The following RALYL variants were observed in gnomAD, a reference collection of about 807,000 sequenced individuals.
RALYL encodes RNA-binding Raly-like protein.
RALYL carries 29 observed loss-of-function variants against 35.1 expected under a neutral mutation model. The observed-to-expected ratio is 0.83, with a 90% confidence interval of 0.61 to 1.13. RALYL has a LOEUF of 1.13. Among genes scored for constraint, RALYL ranks in the 50% most tolerant of loss-of-function variants. The probability of loss-of-function intolerance (pLI) is 0.00; values close to 1 mark genes in which losing one functional copy is unlikely to be tolerated. For synonymous variants in RALYL, 120 were observed against 127.6 expected (o/e 0.94, Z 0.40); for missense variants, 359 against 360.4 (o/e 1.00, Z 0.03).
At chr8:84,877,517 C>T (rs1481556374) in intron 7 of RALYL, among the ~76,000 whole-genome samples, 2 of 151,884 alleles carry the variant, frequency 1.3e-5, no homozygotes, top group Non-Finnish European at 2.9e-5. Context: ...TATATATACA[C>T]ATATACGCAC....
At chr8:84,262,229 G>A (rs181216411) in intron 1 of RALYL, among the ~76,000 whole-genome samples, 4 of 152,178 alleles carry the variant, frequency 2.6e-5, no homozygotes, top group African/African-American at 9.6e-5. Flanking sequence ...TGGCAACTGT[G>A]TTATTTCACG....
chr8:84,319,578 C>T (rs1161739018), intron 1 of RALYL, among the ~76,000 whole-genome samples: 3 of 152,006 alleles, frequency 2.0e-5, no homozygotes, highest in Non-Finnish European at 4.4e-5. Context: ...CCAGATGATA[C>T]GCTCAAAGAA....
At chr8:84,258,195 C>A (rs1488375897) in intron 1 of RALYL, among the ~76,000 whole-genome samples, 1 of 152,042 alleles carries the variant, frequency 6.6e-6, no homozygotes, top group Non-Finnish European at 1.5e-5. Context: ...GGTCCTCTTC[C>A]TTTATCTGTT....
chr8:84,346,106 T>A, intron 1 of RALYL: 1 of 981,888 alleles, frequency 1.0e-6, no homozygotes, highest in Non-Finnish European at 1.2e-6. Context: ...CTCTATTTTC[T>A]CTTCCTTTGC....
chr8:84,666,220 A>G (rs1564337872), intron 2 of RALYL, among the ~76,000 whole-genome samples: 1 of 152,076 alleles, frequency 6.6e-6, no homozygotes, highest in Admixed American at 6.6e-5. Flanking sequence ...CTGAAATACT[A>G]GCCTATTTTG....
intron 1 of RALYL, among the ~76,000 whole-genome samples, chr8:84,508,927 T>A (rs1222790453): frequency 6.6e-6 from 1 of 152,118 alleles, no homozygotes; most frequent in Non-Finnish European, 1.5e-5. Flanking sequence ...TAGAAAGGAA[T>A]GAATAATCAT....
chr8:84,611,208 T>A (rs1007970853), intron 2 of RALYL, among the ~76,000 whole-genome samples: 49 of 152,154 alleles, frequency 3.2e-4, no homozygotes, highest in African/African-American at 1.2e-3. Context: ...TTTATTCACA[T>A]AACTTTTTCC....
intron 2 of RALYL, among the ~76,000 whole-genome samples, chr8:84,550,306 A>G (rs1021763407): frequency 1.3e-5 from 2 of 152,094 alleles, no homozygotes; most frequent in East Asian, 1.9e-4. Flanking sequence ...CTAGATTGGC[A>G]GTTATTTTCT....
intron 1 of RALYL, among the ~76,000 whole-genome samples, chr8:84,429,639 A>G (rs1245930231): frequency 6.6e-6 from 1 of 152,102 alleles, no homozygotes. Context: ...AAAGTCCTCT[A>G]TCCTCCCAAA....
At chr8:84,603,334 A>G (rs1278970164) in intron 2 of RALYL, among the ~76,000 whole-genome samples, 5 of 152,106 alleles carry the variant, frequency 3.3e-5, no homozygotes, top group African/African-American at 1.2e-4. Flanking sequence ...TTACTTTATT[A>G]TAATTAATAT....
Position 84,833,641 on chromosome 8 carries a change from CAA to C in RALYL, c.366-16323_366-16322del, listed in dbSNP as rs548355814. ...TGGGTGACAGAGCATGACTTCGTCT[CAA>C]AAAAAAAAAAAAAAAGAAAGAAAGA... is the stretch of plus-strand genomic sequence containing the variant. On this transcript the variant is annotated intron_variant, in intron 4 of 8. Coordinates refer to ENST00000521268, the MANE Select transcript of RALYL (RefSeq NM_173848.7). Among the ~76,000 whole-genome samples the C allele has an allele frequency of 5.5e-3, 389 of 70,486 alleles. 1 individual carries two copies. The highest frequency in any genetic ancestry group is 0.014 in the African/African-American group (366 of 26,474). The allele number at this position is 70,486 out of a possible 152,430, so 46.2% of individuals were successfully genotyped here.
chr8:84,757,209 C>T (rs1429832404), intron 2 of RALYL, among the ~76,000 whole-genome samples: 1 of 152,046 alleles, frequency 6.6e-6, no homozygotes, highest in African/African-American at 2.4e-5. Flanking sequence ...AAACTCAGGC[C>T]TGATATGATG....
At chr8:84,635,847 G>T (rs1313198300) in intron 2 of RALYL, among the ~76,000 whole-genome samples, 3 of 151,672 alleles carry the variant, frequency 2.0e-5, no homozygotes, top group African/African-American at 7.3e-5. Flanking sequence ...ACTGAGCTCA[G>T]CTTTCTCATT....
At chr8:84,648,269 A>C (rs764118454) in intron 2 of RALYL, among the ~76,000 whole-genome samples, 52 of 152,122 alleles carry the variant, frequency 3.4e-4, no homozygotes, top group Non-Finnish European at 6.0e-4. Context: ...ATCAGATTCC[A>C]CAGGTGCCAC....
chr8:84,463,173 T>A (rs1209289907), intron 1 of RALYL, among the ~76,000 whole-genome samples: 2 of 151,998 alleles, frequency 1.3e-5, no homozygotes, highest in African/African-American at 4.8e-5. Context: ...GATATACTTG[T>A]ATCTGGGTGT....
chr8:84,619,287 T>A (rs995087327), intron 2 of RALYL, among the ~76,000 whole-genome samples: 2 of 151,780 alleles, frequency 1.3e-5, no homozygotes, highest in African/African-American at 4.9e-5. Flanking sequence ...CCGTGTTGGG[T>A]GCATATATAT....
At chr8:84,458,353 C>T (rs770418639) in intron 1 of RALYL, among the ~76,000 whole-genome samples, 4 of 151,766 alleles carry the variant, frequency 2.6e-5, no homozygotes, top group Non-Finnish European at 5.9e-5. Flanking sequence ...AAGTACAATT[C>T]GGTATTTCCA....
At chr8:84,515,871 C>G (rs995167663) in intron 1 of RALYL, among the ~76,000 whole-genome samples, 1 of 152,028 alleles carries the variant, frequency 6.6e-6, no homozygotes, top group Admixed American at 6.6e-5. Flanking sequence ...TGCTCCTGTT[C>G]GGAATTTTGA....
intron 1 of RALYL, among the ~76,000 whole-genome samples, chr8:84,334,332 A>G (rs1847366281): frequency 6.6e-6 from 1 of 152,104 alleles, no homozygotes; most frequent in Non-Finnish European, 1.5e-5. Context: ...ATCAAATTAT[A>G]CTACATAACA....
Sources: allele counts gnomAD v4.1 joint callset (sites outside exome capture counted in the v4.1 genomes callset), GRCh38; gene constraint gnomAD v4.1.1; transcripts MANE v1.5; gene names NCBI Gene and HGNC (gene_info 2026-07-23, HGNC 2026-07-21).